The following WNK1 variants were observed in gnomAD, a reference collection of about 807,000 sequenced individuals.
WNK1 encodes the protein serine/threonine-protein kinase WNK1.
In WNK1, 38 loss-of-function variants were observed where a neutral mutation model predicts 222.8. The ratio of observed to expected loss-of-function variants is 0.17; its 90% confidence interval spans 0.13 to 0.22. WNK1 has a LOEUF of 0.22. Among genes scored for constraint, WNK1 ranks in the 10% least tolerant of loss-of-function variants. WNK1 has a pLI of 1.00. For synonymous variants in WNK1, 1,090 were observed against 1,092.9 expected (o/e 1.00, Z 0.05); for missense variants, 2,348 against 2,918.4 (o/e 0.80, Z 4.50).
intron 2 of WNK1, among the ~76,000 whole-genome samples, chr12:814,701 G>T (rs900646995): frequency 1.3e-5 from 2 of 152,128 alleles, no homozygotes; most frequent in African/African-American, 4.8e-5. Context: ...TTGGCATCAG[G>T]GATTGGTTTC....
chr12:829,140 A>G (rs553759279), intron 3 of WNK1, among the ~76,000 whole-genome samples: 1 of 152,308 alleles, frequency 6.6e-6, no homozygotes, highest in African/African-American at 2.4e-5. Context: ...TGATTAAATG[A>G]TAGTGTGCAT....
At chr12:898,029 T>C (rs1013908352) in intron 25 of WNK1, among the ~76,000 whole-genome samples, 14 of 152,246 alleles carry the variant, frequency 9.2e-5, no homozygotes, top group African/African-American at 3.4e-4. Flanking sequence ...AAATACATTA[T>C]TCTCTGTTTA....
In WNK1 at chr12:868,139, A is replaced by G. The variant is rs375911794; in HGVS notation, c.2140-3126A>G. The G allele has an allele frequency of 1.6e-5, 26 of 1,613,600 alleles. No individual in the cohort carries two copies. The African/African-American group carries it at 3.1e-4, about 19-fold the overall frequency. The stretch of plus-strand genomic sequence containing the variant: ...AGAGGCCGTAGTTATGTTGGGTACT[A>G]CAGCCAGTAGAGTAACTGGAGAGTC... On this transcript the variant is annotated intron_variant, in intron 8 of 27. Transcript: ENST00000315939.
intron 1 of WNK1, among the ~76,000 whole-genome samples, chr12:780,589 C>T (rs903813046): frequency 5.3e-5 from 8 of 152,182 alleles, no homozygotes; most frequent in Admixed American, 4.6e-4. Flanking sequence ...GGTCATTAAT[C>T]TGGTAGAATA....
chr12:877,295 C>G (rs1952719972), intron 9 of WNK1, among the ~76,000 whole-genome samples: 1 of 152,036 alleles, frequency 6.6e-6, no homozygotes, highest in African/African-American at 2.4e-5. Context: ...GAACTCTGGA[C>G]CGCAGGTGAT....
At chr12:777,903 C>G (rs1943286630) in intron 1 of WNK1, among the ~76,000 whole-genome samples, 1 of 152,190 alleles carries the variant, frequency 6.6e-6, no homozygotes, top group Non-Finnish European at 1.5e-5. Flanking sequence ...ATATTAAACA[C>G]AAGCTTCATG....
chr12:845,309 G>A (rs902125273), intron 4 of WNK1, among the ~76,000 whole-genome samples: 1 of 152,140 alleles, frequency 6.6e-6, no homozygotes, highest in Non-Finnish European at 1.5e-5. Context: ...AAAGAAACAT[G>A]CGTGGTTATC....
rs750142502 is a variant in WNK1 at position 896,523 on chromosome 12, T to G, written c.6036T>G (p.Ser2012=). The part of the protein sequence containing the change: ...SEPSHLNGPS[S]DPEAAFLSRD... Reference sequence around the variant, plus strand: ...CTTCACATCTAAATGGGCCGTCTTCTGACCCGGAGGCCGCTTTTTTAAGTA... The same window carrying G: ...CTTCACATCTAAATGGGCCGTCTTCGGACCCGGAGGCCGCTTTTTTAAGTA... Residue 2012 remains serine, a synonymous_variant, in exon 24 of 28, where the codon TCT becomes TCG. Coordinates refer to ENST00000315939, the MANE Select transcript of WNK1 (RefSeq NM_018979.4). 11 of 1,613,658 alleles carry G rather than the reference T, an allele frequency of 6.8e-6. No individual in the cohort carries two copies. The highest frequency in any genetic ancestry group is 1.1e-5 in the South Asian group (1 of 91,062).
intron 10 of WNK1, 93 bp from the exon 11 acceptor site, chr12:879,480 G>T (rs1952932832): frequency 1.6e-5 from 12 of 750,106 alleles, no homozygotes; most frequent in East Asian, 6.9e-5. Context: ...CTTCTTTTTG[G>T]CTAATACATA....
chr12:883,993 A>C, intron 17 of WNK1, 128 bp from the exon 18 acceptor site: 3 of 1,512,290 alleles, frequency 2.0e-6, no homozygotes, highest in Non-Finnish European at 2.7e-6. Context: ...GCGCCACTGC[A>C]CTCCAGCCTG....
Position 859,321 on chromosome 12 carries a change from G to A in WNK1, c.1477G>A (p.Asp493Asn). The A allele has an allele frequency of 6.2e-7, 1 of 1,613,734 alleles. No individual in the cohort carries two copies. The highest frequency in any genetic ancestry group is 1.1e-5 in the South Asian group (1 of 91,082). ...TGVRVELAEEDDGEKIAIKLW... is the reference protein window; with the variant it reads ...TGVRVELAEENDGEKIAIKLW... ...AGTACGGGTAGAATTAGCAGAAGAA[G>A]ATGATGGAGAAAAAATAGCCATAAA... The change falls in exon 6 of 28, where the codon GAT (aspartate) becomes AAT (asparagine). Residue 493 changes from aspartate (D) to asparagine (N), a missense_variant. Transcript: ENST00000315939.
intron 2 of WNK1, 55 bp downstream of exon 2, chr12:813,869 T>C (rs1947107564): frequency 6.3e-7 from 1 of 1,582,340 alleles, no homozygotes; most frequent in Admixed American, 1.8e-5. Flanking sequence ...AATTTGATTT[T>C]TTAAATTTCA....
At chr12:777,938 A>G (rs768852859) in intron 1 of WNK1, among the ~76,000 whole-genome samples, 22 of 152,226 alleles carry the variant, frequency 1.4e-4, no homozygotes, top group Non-Finnish European at 3.1e-4. Context: ...CTAAAACATA[A>G]TCCAAAACTT....
chr12:877,266 T>C (rs1187706639), intron 9 of WNK1, among the ~76,000 whole-genome samples: 2 of 152,108 alleles, frequency 1.3e-5, no homozygotes, highest in Non-Finnish European at 2.9e-5. Context: ...GGTTTCTCCA[T>C]GTTGGTCAGG....
intron 15 of WNK1, 118 bp downstream of exon 15, chr12:883,177 C>G: frequency 1.0e-6 from 1 of 993,074 alleles, no homozygotes; most frequent in Non-Finnish European, 1.6e-6. Flanking sequence ...GCATTTACTT[C>G]AATGTGAATA....
intron 26 of WNK1, among the ~76,000 whole-genome samples, chr12:903,175 A>G (rs1462900375): frequency 6.6e-6 from 1 of 152,136 alleles, no homozygotes; most frequent in East Asian, 1.9e-4. Context: ...CAGCACCCCT[A>G]TTATTTGTAC....
intron 9 of WNK1, among the ~76,000 whole-genome samples, chr12:875,066 C>T (rs907137589): frequency 8.6e-5 from 13 of 151,976 alleles, no homozygotes; most frequent in Non-Finnish European, 1.8e-4. Context: ...GTGAAAGGCC[C>T]TAAGATAGAA....
chr12:780,050 C>T (rs1943544295), intron 1 of WNK1, among the ~76,000 whole-genome samples: 1 of 151,984 alleles, frequency 6.6e-6, no homozygotes, highest in African/African-American at 2.4e-5. Flanking sequence ...TTTGAGGCAC[C>T]TTTTCTGGGG....
intron 1 of WNK1, among the ~76,000 whole-genome samples, chr12:806,143 A>G (rs116264935): frequency 3.6e-3 from 543 of 152,322 alleles, no homozygotes; most frequent in African/African-American, 0.013. Context: ...CACTTACAAT[A>G]TGTCGAGCCC....
Sources: allele counts gnomAD v4.1 joint callset (sites outside exome capture counted in the v4.1 genomes callset), GRCh38; gene constraint gnomAD v4.1.1; transcripts MANE v1.5; gene names NCBI Gene and HGNC (gene_info 2026-07-23, HGNC 2026-07-21).